AOPEP: variants seen among roughly 807,000 people sequenced by gnomAD.
AOPEP encodes the protein aminopeptidase O (putative).
AOPEP carries 77 observed loss-of-function variants against 98.1 expected under a neutral mutation model. The ratio of observed to expected loss-of-function variants is 0.78; its 90% CI spans 0.65 to 0.95. The LOEUF (loss-of-function observed/expected upper bound fraction) is 0.95. Ranked by LOEUF, AOPEP falls within the 40% of genes least tolerant of loss-of-function variation. The pLI is 0.00. For missense variants in AOPEP, 1,024 were observed against 1,024.7 expected (o/e 1.00, Z 0.01); for synonymous variants, 346 against 365.3 (o/e 0.95, Z 0.60).
intron 5 of AOPEP, among the ~76,000 whole-genome samples, chr9:94,894,066 C>T (rs1464644763): frequency 6.6e-6 from 1 of 152,102 alleles, no homozygotes; most frequent in African/African-American, 2.4e-5. Flanking sequence ...CCCCAAAATG[C>T]AGAATATCTA....
At chr9:94,955,789 T>A (rs1053001284) in intron 8 of AOPEP, 119 bp from the exon 9 acceptor site, 1 of 647,690 alleles carries the variant, frequency 1.5e-6, no homozygotes, top group Non-Finnish European at 2.7e-6. Context: ...CAGGGACAGG[T>A]AGGACGGCAC....
chr9:95,098,546 T>C, the AOPEP span, among the ~76,000 whole-genome samples: 1 of 151,796 alleles, frequency 6.6e-6, no homozygotes, highest in Non-Finnish European at 1.5e-5. Context: ...GCCGGAAGCA[T>C]GGGGAGTGCT....
intron 5 of AOPEP, among the ~76,000 whole-genome samples, chr9:94,875,757 C>G (rs1364151101): frequency 6.6e-6 from 1 of 152,236 alleles, no homozygotes; most frequent in Non-Finnish European, 1.5e-5. Flanking sequence ...TGGTCGGCCT[C>G]TCAGTTTTGA....
chr9:94,870,045 A>G (rs894982362), intron 5 of AOPEP, among the ~76,000 whole-genome samples: 3 of 139,346 alleles, frequency 2.2e-5, no homozygotes, highest in African/African-American at 5.5e-5. Context: ...CTGGAATGCA[A>G]TGGTGCGATC....
chr9:95,064,212 G>A (rs763562260), intron 14 of AOPEP, among the ~76,000 whole-genome samples: 4 of 152,244 alleles, frequency 2.6e-5, no homozygotes, highest in South Asian at 2.1e-4. Flanking sequence ...AACGACCAGC[G>A]TCACAGGCCT....
the AOPEP span, among the ~76,000 whole-genome samples, chr9:95,097,860 G>GTATC: frequency 2.0e-5 from 3 of 152,164 alleles, no homozygotes; most frequent in Admixed American, 1.3e-4. Context: ...TGTACTTACT[G>GTATC]TATCTTAATT....
the AOPEP span, chr9:95,100,897 T>G: frequency 4.3e-6 from 1 of 232,640 alleles, no homozygotes; most frequent in Non-Finnish European, 8.5e-6. Context: ...CCCAAAGTGC[T>G]GGGATCACAG....
At chr9:94,828,311 C>G (rs1434905639) in intron 5 of AOPEP, among the ~76,000 whole-genome samples, 3 of 127,526 alleles carry the variant, frequency 2.4e-5, no homozygotes, top group Non-Finnish European at 5.0e-5. Flanking sequence ...AAAGATTTCT[C>G]CCTGTGTTTT....
In AOPEP at chr9:94,760,492, G is replaced by A. The variant is rs1189992346; in HGVS notation, c.709G>A (p.Ala237Thr). 11 of 1,610,698 alleles carry A rather than the reference G, an allele frequency of 6.8e-6. No individual in the cohort carries two copies. The highest frequency in any genetic ancestry group is 8.5e-6 in the Non-Finnish European group (10 of 1,178,908). The change falls in exon 2 of 17, where the codon GCT (alanine) becomes ACT (threonine). Residue 237 changes from alanine (A) to threonine (T), a missense_variant. Ala to Thr is a moderately conservative substitution (Grantham distance 58). Coordinates refer to ENST00000375315, the MANE Select transcript of AOPEP (RefSeq NM_001193329.3). ...GATAAGGAAGACAGGGGCTCAGACA[G>A]CTACTGACTTTCCTCATGCTATCAG... Reference protein sequence around the residue: ...LQIRKTGAQTATDFPHAIRIW... With the variant: ...LQIRKTGAQTTTDFPHAIRIW...
intron 13 of AOPEP, among the ~76,000 whole-genome samples, chr9:95,046,435 C>T (rs933007715): frequency 9.2e-4 from 140 of 152,142 alleles, no homozygotes; most frequent in African/African-American, 3.2e-3. Context: ...TTATTTCTGT[C>T]TCTCATTAAA....
intron 1 of AOPEP, among the ~76,000 whole-genome samples, chr9:94,730,552 C>T (rs1179902169): frequency 6.6e-6 from 1 of 152,152 alleles, no homozygotes; most frequent in Non-Finnish European, 1.5e-5. Flanking sequence ...GTGTAACTTA[C>T]ATGCTATTTG....
chr9:94,950,943 G>A (rs981875928), intron 7 of AOPEP, among the ~76,000 whole-genome samples: 2 of 152,182 alleles, frequency 1.3e-5, no homozygotes, highest in African/African-American at 4.8e-5. Flanking sequence ...CAGGAGGCCC[G>A]ATTCGAAATC....
chr9:94,864,249 A>T (rs1198526523), intron 5 of AOPEP, among the ~76,000 whole-genome samples: 1 of 152,242 alleles, frequency 6.6e-6, no homozygotes, highest in Non-Finnish European at 1.5e-5. Context: ...ACACAGGAGG[A>T]CAAATAAATG....
At chr9:94,991,231 CT>C (rs764521254) in intron 11 of AOPEP, among the ~76,000 whole-genome samples, 4 of 152,166 alleles carry the variant, frequency 2.6e-5, no homozygotes, top group South Asian at 2.1e-4. Flanking sequence ...ACAGTCAGGG[CT>C]TTTTTTCCTT....
rs1042844381 is a variant in AOPEP, at chr9:94,933,724, G to A, written c.1661+5193G>A. On this transcript the variant is annotated intron_variant, in intron 7 of 16. Transcript: ENST00000375315. ...CTGTACATTCCACTTAAAATAGGAA[G>A]CCTTTTTTTATTTTTATTTATTTTT... 1.3e-5 allele frequency: 12 copies of A among 930,574 alleles called. No homozygotes were observed. The African/African-American group carries it at 2.1e-4, about 17-fold the overall frequency. The allele number at this position is 930,574 out of a possible 1,614,324, so 57.6% of individuals were successfully genotyped here. A position where few individuals can be genotyped will look rare whatever the true frequency, so the allele number is the denominator to read the frequency against.
intron 1 of AOPEP, among the ~76,000 whole-genome samples, chr9:94,753,947 C>T (rs1182968680): frequency 6.6e-6 from 1 of 152,160 alleles, no homozygotes; most frequent in Non-Finnish European, 1.5e-5. Context: ...CTCATTTCAG[C>T]ATTGTTTGCA....
At chr9:94,918,298 A>G (rs2053114366) in intron 5 of AOPEP, among the ~76,000 whole-genome samples, 2 of 152,072 alleles carry the variant, frequency 1.3e-5, no homozygotes, top group Admixed American at 1.3e-4. Flanking sequence ...TGGCCTCTGT[A>G]CCCTTATTTC....
the AOPEP span, chr9:95,111,332 A>G: frequency 6.3e-7 from 1 of 1,597,772 alleles, no homozygotes; most frequent in Admixed American, 1.7e-5. Context: ...GCAGGTTGCC[A>G]TGACATATGC....
At chr9:94,845,211 T>C (rs2042711205) in intron 5 of AOPEP, among the ~76,000 whole-genome samples, 1 of 152,212 alleles carries the variant, frequency 6.6e-6, no homozygotes, top group South Asian at 2.1e-4. Flanking sequence ...GGTGGGACTT[T>C]AGGAAACTGT....
Sources: gnomAD v4.1 joint callset for allele counts (sites outside exome capture counted in the v4.1 genomes callset) on GRCh38, gnomAD v4.1.1 for gene constraint, MANE v1.5 for transcripts, NCBI Gene and HGNC (gene_info 2026-07-23, HGNC 2026-07-21) for gene names.